PCDH11X: variants seen among roughly 807,000 people sequenced by gnomAD.
The protein encoded by PCDH11X is protocadherin 11 X-linked.
Under a neutral mutation model 53.3 loss-of-function variants are expected in PCDH11X, and 18 were observed. That is an observed-to-expected ratio of 0.34 (90% CI 0.23 to 0.50). The LOEUF (loss-of-function observed/expected upper bound fraction) is 0.50, where lower values mean the gene tolerates loss of function less well. Ranked by LOEUF, PCDH11X falls within the 20% of genes least tolerant of loss-of-function variation. PCDH11X has a pLI of 0.98. For synonymous variants in PCDH11X, 279 were observed against 393.3 expected, an observed-to-expected ratio of 0.71 and a Z score of 3.44; for missense variants, 570 against 1,032.4, an observed-to-expected ratio of 0.55 and a Z score of 6.14.
intron 6 of PCDH11X, among the ~76,000 whole-genome samples, chrX:91,932,159 G>T (rs2061393704): frequency 9.5e-6 from 1 of 105,310 alleles, no homozygotes; most frequent in Non-Finnish European, 1.9e-5. Flanking sequence ...AGGACGTGAT[G>T]TCATGTTTTT....
intron 6 of PCDH11X, among the ~76,000 whole-genome samples, chrX:91,981,325 G>A (rs1219832328): frequency 9.2e-6 from 1 of 109,187 alleles, no homozygotes; most frequent in Non-Finnish European, 1.9e-5. Context: ...TTCCTATCTG[G>A]GCTATGTTTT....
chrX:92,108,046 G>A (rs1383258410), intron 6 of PCDH11X, among the ~76,000 whole-genome samples: 1 of 112,215 alleles, frequency 8.9e-6, no homozygotes, highest in Admixed American at 9.4e-5. Flanking sequence ...TTGACAAGCT[G>A]AGTGAAGATA....
At chrX:92,563,796 A>T (rs1346306379) in intron 10 of PCDH11X, among the ~76,000 whole-genome samples, 1 of 111,113 alleles carries the variant, frequency 9.0e-6, no homozygotes, top group Non-Finnish European at 1.9e-5. Context: ...CACACAGAAA[A>T]ACAGAATAGT....
At chrX:91,854,103 A>G (rs1182673612) in intron 5 of PCDH11X, among the ~76,000 whole-genome samples, 1 of 110,704 alleles carries the variant, frequency 9.0e-6, no homozygotes, top group East Asian at 2.8e-4. Flanking sequence ...GCTAGGTCTT[A>G]TTCATTCTTT....
At chrX:91,973,346 A>C (rs2061997478) in intron 6 of PCDH11X, among the ~76,000 whole-genome samples, 1 of 102,212 alleles carries the variant, frequency 9.8e-6, no homozygotes, top group South Asian at 4.9e-4. Context: ...CTAGATGATG[A>C]GTTAGTGGGT....
At chrX:92,106,360 T>C (rs1276172876) in intron 6 of PCDH11X, among the ~76,000 whole-genome samples, 6 of 110,072 alleles carry the variant, frequency 5.5e-5, no homozygotes, top group Non-Finnish European at 3.8e-5. Flanking sequence ...TGAACAATTC[T>C]GGCTATGTTT....
At chrX:92,576,598 C>T (rs1374556055) in intron 10 of PCDH11X, among the ~76,000 whole-genome samples, 3 of 106,906 alleles carry the variant, frequency 2.8e-5, no homozygotes, top group Non-Finnish European at 3.9e-5. Flanking sequence ...GAAATTACCA[C>T]GAGGCTTGTA....
chrX:92,584,998 G>A (rs1337113072), intron 10 of PCDH11X, among the ~76,000 whole-genome samples: 3 of 109,811 alleles, frequency 2.7e-5, no homozygotes, highest in African/African-American at 6.7e-5. Flanking sequence ...CTCCATGTTG[G>A]TTATACAGTC....
At chrX:92,247,725 C>T (rs1237844464) in intron 7 of PCDH11X, among the ~76,000 whole-genome samples, 4 of 111,613 alleles carry the variant, frequency 3.6e-5, no homozygotes, top group African/African-American at 6.5e-5. Flanking sequence ...CTTATAAGGA[C>T]GTCAGTCGTT....
At chrX:92,525,391 G>A (rs1407532216) in intron 10 of PCDH11X, among the ~76,000 whole-genome samples, 1 of 111,167 alleles carries the variant, frequency 9.0e-6, no homozygotes, top group Non-Finnish European at 1.9e-5. Flanking sequence ...AGCACTTTGG[G>A]AGGCTGAGGT....
At chrX:91,866,874 A>G (rs1240103887) in intron 5 of PCDH11X, among the ~76,000 whole-genome samples, 1 of 110,798 alleles carries the variant, frequency 9.0e-6, no homozygotes, top group African/African-American at 3.3e-5. Flanking sequence ...ATGAAAAAAT[A>G]TTTCTGACCA....
intron 7 of PCDH11X, among the ~76,000 whole-genome samples, chrX:92,201,977 C>G (rs915673169): frequency 9.0e-6 from 1 of 111,126 alleles, no homozygotes; most frequent in Non-Finnish European, 1.9e-5. Flanking sequence ...GAGACCAATG[C>G]AAGTTTTAGA....
intron 9 of PCDH11X, among the ~76,000 whole-genome samples, chrX:92,456,723 A>G (rs1490188443): frequency 1.8e-5 from 2 of 111,274 alleles, no homozygotes; most frequent in African/African-American, 3.3e-5. Context: ...TCCTGCGCAT[A>G]TAAGCTTTTA....
At chrX:91,801,825 G>C (rs760928022) in intron 1 of PCDH11X, among the ~76,000 whole-genome samples, 53 of 112,172 alleles carry the variant, frequency 4.7e-4, no homozygotes, top group African/African-American at 1.7e-3. Flanking sequence ...GTCACACTTA[G>C]ATGACAGTAT....
intron 6 of PCDH11X, among the ~76,000 whole-genome samples, chrX:91,880,313 T>C (rs1284963232): frequency 8.9e-6 from 1 of 111,767 alleles, no homozygotes; most frequent in Non-Finnish European, 1.9e-5. Flanking sequence ...CTGTGTTAAC[T>C]CTTAAAAAAG....
At chrX:92,519,047 G>C (rs1431344041) in intron 10 of PCDH11X, among the ~76,000 whole-genome samples, 6 of 110,449 alleles carry the variant, frequency 5.4e-5, no homozygotes, top group Non-Finnish European at 1.1e-4. Context: ...TTTAAGTTCT[G>C]ATTCTGCTGC....
chrX:91,918,642 T>C (rs1418906649), intron 6 of PCDH11X, among the ~76,000 whole-genome samples: 5 of 101,307 alleles, frequency 4.9e-5, no homozygotes, highest in African/African-American at 1.8e-4. Flanking sequence ...GGATATTTAC[T>C]GCAAAAAAAA....
chrX:92,495,212 C>T (rs1435657668), intron 10 of PCDH11X, among the ~76,000 whole-genome samples: 1 of 111,281 alleles, frequency 9.0e-6, no homozygotes, highest in Non-Finnish European at 1.9e-5. Flanking sequence ...CATAAATCTG[C>T]ATACCGTCTC....
chrX:92,328,428 A>G (rs1331395413), intron 8 of PCDH11X, among the ~76,000 whole-genome samples: 2 of 111,226 alleles, frequency 1.8e-5, no homozygotes, highest in Non-Finnish European at 3.8e-5. Flanking sequence ...AATTAAGCAG[A>G]AGAAAAAAAG....
Sources: allele counts gnomAD v4.1 joint callset (sites outside exome capture counted in the v4.1 genomes callset), GRCh38; gene constraint gnomAD v4.1.1; transcripts MANE v1.5; gene names NCBI Gene and HGNC (gene_info 2026-07-23, HGNC 2026-07-21).